The following ELL variants were observed in gnomAD, a reference collection of about 807,000 sequenced individuals.
ELL encodes the protein elongation factor for RNA polymerase II.
ELL carries 18 observed loss-of-function variants against 64.0 expected under a neutral mutation model. That is an observed-to-expected ratio of 0.28 (90% CI 0.19 to 0.42). ELL has a LOEUF of 0.42. Among genes scored for constraint, ELL ranks in the 10% least tolerant of loss-of-function variants. ELL has a pLI of 1.00. For synonymous variants in ELL, 399 were observed against 376.2 expected (o/e 1.06, Z -0.70); for missense variants, 797 against 870.4 (o/e 0.92, Z 1.06).
chr19:18,487,637 T>C (rs1462619893), intron 1 of ELL, among the ~76,000 whole-genome samples: 1 of 152,158 alleles, frequency 6.6e-6, no homozygotes, highest in Non-Finnish European at 1.5e-5. Flanking sequence ...CTGAGGAACA[T>C]CTCTGGGACG....
At chr19:18,521,267 A>G (rs982245004) in intron 1 of ELL, among the ~76,000 whole-genome samples, 1 of 152,058 alleles carries the variant, frequency 6.6e-6, no homozygotes, top group African/African-American at 2.4e-5. Context: ...AGGGGAGCAG[A>G]AAGCTGGGAC....
At position 18,458,306 on chromosome 19, in the gene ELL, G is replaced by A. The variant is rs776011018; in HGVS notation, c.768C>T (p.Asp256=). 136 of 1,612,690 alleles carry A rather than the reference G, an allele frequency of 8.4e-5. No homozygotes were observed. The highest frequency in any genetic ancestry group is 1.6e-4 in the Middle Eastern group (1 of 6,074). Residue 256 remains aspartate (D), a synonymous_variant, in exon 6 of 12, where the codon GAC becomes GAT. Transcript: ENST00000262809. ...TGCAGTCCTGCAGTGTACACGTGCC[G>A]TCCTTAGCACTCATGTTGGCCACCT... is the stretch of plus-strand genomic sequence containing the variant. ...LQQVANMSAK[D]GTCTLQDCMY...
intron 6 of ELL, among the ~76,000 whole-genome samples, chr19:18,456,858 C>G (rs1342261052): frequency 6.6e-6 from 1 of 151,912 alleles, no homozygotes; most frequent in Non-Finnish European, 1.5e-5. Flanking sequence ...TGGGCTAGCC[C>G]AGCTGGTAAC....
intron 1 of ELL, chr19:18,476,080 A>C (rs1434740306): frequency 1.3e-5 from 2 of 152,716 alleles, no homozygotes; most frequent in African/African-American, 4.8e-5. Context: ...AGCCCCCACA[A>C]ACTCATGGCA....
At chr19:18,445,573 G>A (rs1370526769) in intron 10 of ELL, among the ~76,000 whole-genome samples, 2 of 151,334 alleles carry the variant, frequency 1.3e-5, no homozygotes, top group Admixed American at 6.6e-5. Context: ...GTGCAGCAAA[G>A]AGGGAGGGAA....
intron 1 of ELL, among the ~76,000 whole-genome samples, chr19:18,480,534 T>C (rs779435843): frequency 1.3e-4 from 20 of 152,136 alleles, no homozygotes; most frequent in Non-Finnish European, 2.6e-4. Context: ...GGAGGACAGA[T>C]GGTGTGTTCA....
intron 6 of ELL, among the ~76,000 whole-genome samples, chr19:18,453,571 TA>T (rs767050631): frequency 6.6e-6 from 1 of 151,896 alleles, no homozygotes; most frequent in African/African-American, 2.4e-5. Context: ...ATGACTGGAA[TA>T]AAAAAAACAG....
At position 18,458,320 on chromosome 19, in the gene ELL, T is replaced by G; in HGVS notation, c.754A>C (p.Met252Leu). 1 of 1,610,980 alleles carries G rather than the reference T, an allele frequency of 6.2e-7. No homozygotes were observed. The highest frequency in any genetic ancestry group is 8.5e-7 in the Non-Finnish European group (1 of 1,178,402). ...LDGLLQQVAN[M>L]SAKDGTCTLQ... ...GTACACGTGCCGTCCTTAGCACTCATGTTGGCCACCTGCAAGACAGAGCCA... is the reference window on the plus strand; with the variant it reads ...GTACACGTGCCGTCCTTAGCACTCAGGTTGGCCACCTGCAAGACAGAGCCA... Residue 252 changes from methionine (M) to leucine (L), a missense_variant, in exon 6 of 12, where the codon ATG becomes CTG. By Grantham distance (15) the Met-to-Leu change is conservative. Transcript: ENST00000262809.
chr19:18,443,993 A>G lies in ELL; in HGVS notation c.*759T>C. On this transcript the variant is annotated 3_prime_UTR_variant, in exon 12 of 12. Transcript: ENST00000262809. ...GCCGAGTCTCAACTTGGAGCACAGA[A>G]ACACAGTGGCCCCCGACAGCTGAGG... The G allele has an allele frequency of 8.6e-6, 2 of 232,320 alleles. No individual in the cohort carries two copies. Among genetic ancestry groups the G allele is most frequent in the Non-Finnish European group, 1.7e-5 (2 of 117,474 alleles). The allele number at this position is 232,320 out of a possible 1,614,324, so 14.4% of individuals were successfully genotyped here.
At chr19:18,472,684 C>T in intron 2 of ELL, 151 bp downstream of exon 2, 1 of 929,426 alleles carries the variant, frequency 1.1e-6, no homozygotes, top group African/African-American at 1.7e-5. Flanking sequence ...AGCCAAGGGG[C>T]TATCCTGGGG....
chr19:18,472,790 C>T (rs1393818996), intron 2 of ELL, 45 bp downstream of exon 2: 1 of 1,583,196 alleles, frequency 6.3e-7, no homozygotes, highest in African/African-American at 1.4e-5. Context: ...TGAGACTATA[C>T]CAGTCCCAAG....
Position 18,451,727 on chromosome 19 carries a change from C to G in ELL, c.870-79G>C, listed in dbSNP as rs1170954792. On this transcript the variant is annotated intron_variant, in intron 6 of 11. Transcript: ENST00000262809. ...CCAGGCCTGTATCCACATGGGGGCC[C>G]GGTGGAGATGCCTCAAGGAAGGGAC... 6 of 1,135,618 alleles carry G rather than the reference C, an allele frequency of 5.3e-6. No individual in the cohort carries two copies. The East Asian group carries it at 1.9e-4, about 36-fold the overall frequency. The allele number at this position is 1,135,618 out of a possible 1,614,324, so 70.3% of individuals were successfully genotyped here. A position where few individuals can be genotyped will look rare whatever the true frequency, so the allele number is the denominator to read the frequency against.
intron 1 of ELL, among the ~76,000 whole-genome samples, chr19:18,486,827 G>A (rs544840041): frequency 1.5e-4 from 23 of 152,176 alleles, no homozygotes; most frequent in Non-Finnish European, 2.6e-4. Context: ...CACTGCAAGG[G>A]TGCTCTTAGG....
chr19:18,465,674 T>C (rs2278238), intron 3 of ELL, 99 bp from the exon 4 acceptor site: 553,297 of 1,477,032 alleles, frequency 0.37, 110,586 homozygotes, highest in African/African-American at 0.76. Context: ...GCCTGGAAAA[T>C]GGACTCTGTC....
At chr19:18,518,292 G>A (rs1470859327) in intron 1 of ELL, among the ~76,000 whole-genome samples, 1 of 147,718 alleles carries the variant, frequency 6.8e-6, no homozygotes, top group Non-Finnish European at 1.5e-5. Flanking sequence ...TTGAGCCCCG[G>A]CGTTTGAAAT....
At chr19:18,512,302 G>T (rs1976042080) in intron 1 of ELL, among the ~76,000 whole-genome samples, 1 of 152,022 alleles carries the variant, frequency 6.6e-6, no homozygotes, top group South Asian at 2.1e-4. Flanking sequence ...TCCAGTCTGG[G>T]CAACAGAGCA....
chr19:18,473,938 C>A (rs566445623), intron 1 of ELL, among the ~76,000 whole-genome samples: 35 of 152,324 alleles, frequency 2.3e-4, no homozygotes, highest in African/African-American at 8.2e-4. Flanking sequence ...TCACTCCCTC[C>A]CACCCTGGTC....
chr19:18,488,377 G>A (rs1434897061), intron 1 of ELL, among the ~76,000 whole-genome samples: 1 of 152,242 alleles, frequency 6.6e-6, no homozygotes, highest in Non-Finnish European at 1.5e-5. Context: ...CCACACAGCA[G>A]GAAGCACGTG....
intron 1 of ELL, among the ~76,000 whole-genome samples, chr19:18,499,285 C>A (rs987732692): frequency 6.6e-6 from 1 of 152,190 alleles, no homozygotes; most frequent in Admixed American, 6.5e-5. Flanking sequence ...TCACTTCCAA[C>A]TTATGATCTG....
Sources: gnomAD v4.1 joint callset for allele counts (sites outside exome capture counted in the v4.1 genomes callset) on GRCh38, gnomAD v4.1.1 for gene constraint, MANE v1.5 for transcripts, NCBI Gene and HGNC (gene_info 2026-07-23, HGNC 2026-07-21) for gene names.